Variants in FYB1 observed in about 807,000 individuals in gnomAD.
FYB1 encodes the protein FYN binding protein 1.
A neutral mutation model predicts 94.1 loss-of-function variants in FYB1; 41 were observed. The observed-to-expected ratio is 0.44, with a 90% CI of 0.34 to 0.57. The LOEUF is 0.57. Ranked by LOEUF, FYB1 falls within the 20% of genes least tolerant of loss-of-function variation. FYB1 has a pLI of 0.02. For synonymous variants in FYB1, 367 were observed against 353.2 expected (o/e 1.04, Z -0.44); for missense variants, 1,050 against 976.8 (o/e 1.07, Z -1.00).
intron 1 of FYB1, among the ~76,000 whole-genome samples, chr5:39,252,171 T>TA (rs891598254): frequency 1.3e-5 from 2 of 151,126 alleles, no homozygotes; most frequent in Admixed American, 6.6e-5. Flanking sequence ...AAATAAAAAA[T>TA]AAAAAAATAA....
intron 2 of FYB1, among the ~76,000 whole-genome samples, chr5:39,195,262 A>G (rs1747730310): frequency 6.6e-6 from 1 of 152,228 alleles, no homozygotes; most frequent in Non-Finnish European, 1.5e-5. Context: ...TAAAATGTGA[A>G]CATAGAATCC....
intron 16 of FYB1, chr5:39,110,604 T>A (rs1044385909): frequency 8.1e-5 from 37 of 454,298 alleles, no homozygotes; most frequent in Non-Finnish European, 1.3e-4. Flanking sequence ...CCAGTATGTC[T>A]CTTTTTTCTC....
At position 39,203,001 on chromosome 5, in the gene FYB1, G is replaced by A. The variant is rs965899879; in HGVS notation, c.-27-14C>T. On this transcript the variant is annotated splice_polypyrimidine_tract_variant and intron_variant, in intron 1 of 18. Coordinates refer to ENST00000512982, the MANE Select transcript of FYB1 (RefSeq NM_001465.6). ...TGCCTTTCCATCCTACAAACATAGGGAACAAAAAATAGCTGAGAGACAAAA... is the reference window on the plus strand; with the variant it reads ...TGCCTTTCCATCCTACAAACATAGGAAACAAAAAATAGCTGAGAGACAAAA... 3.1e-6 allele frequency: 5 copies of A among 1,606,210 alleles called. No individual in the cohort carries two copies. Among genetic ancestry groups the A allele is most frequent in the Admixed American group, 3.4e-5 (2 of 58,882 alleles).
intron 1 of FYB1, among the ~76,000 whole-genome samples, chr5:39,247,739 T>G (rs1751544625): frequency 6.6e-6 from 1 of 151,932 alleles, no homozygotes; most frequent in African/African-American, 2.4e-5. Context: ...CCAGGGTTAA[T>G]TTCAGCAAAT....
At chr5:39,211,711 A>T (rs746456530) in intron 1 of FYB1, among the ~76,000 whole-genome samples, 15 of 152,180 alleles carry the variant, frequency 9.9e-5, no homozygotes, top group Non-Finnish European at 1.8e-4. Flanking sequence ...TCTGGGAAAG[A>T]TACTGTTTGT....
upstream of FYB1, among the ~76,000 whole-genome samples, chr5:39,224,433 C>T (rs759678675): frequency 1.4e-4 from 22 of 152,164 alleles, no homozygotes; most frequent in Non-Finnish European, 1.8e-4. Context: ...CAGACAGCAG[C>T]AGATGAAGCT....
intron 14 of FYB1, among the ~76,000 whole-genome samples, chr5:39,119,927 G>A (rs1225005114): frequency 6.6e-6 from 1 of 152,078 alleles, no homozygotes; most frequent in Non-Finnish European, 1.5e-5. Flanking sequence ...TTGCATGTCA[G>A]CAGTTTCATA....
chr5:39,146,087 G>T (rs1742625898), intron 3 of FYB1, among the ~76,000 whole-genome samples: 1 of 151,474 alleles, frequency 6.6e-6, no homozygotes, highest in Non-Finnish European at 1.5e-5. Flanking sequence ...GCTAATTTTT[G>T]TATTTTTAAT....
chr5:39,269,376 G>A (rs780412897), intron 1 of FYB1, among the ~76,000 whole-genome samples: 7 of 151,832 alleles, frequency 4.6e-5, no homozygotes, highest in African/African-American at 1.7e-4. Context: ...TAGGAATCCC[G>A]GACCTAAAGA....
At chr5:39,217,869 G>C (rs1258801148) in intron 1 of FYB1, among the ~76,000 whole-genome samples, 3 of 152,182 alleles carry the variant, frequency 2.0e-5, no homozygotes, top group Non-Finnish European at 4.4e-5. Flanking sequence ...TCTTGTTAAC[G>C]TATTGTGTAA....
intron 2 of FYB1, among the ~76,000 whole-genome samples, chr5:39,199,455 G>T (rs1748124330): frequency 6.6e-6 from 1 of 152,090 alleles, no homozygotes; most frequent in African/African-American, 2.4e-5. Flanking sequence ...TGTTGCAAAA[G>T]AACGCTTTTG....
Position 39,134,167 on chromosome 5 carries a change from G to A in FYB1, c.1817+41C>T, listed in dbSNP as rs186833458. Reference sequence around the variant, plus strand: ...CTTAATATACAAAATTTCTGACAAGGAGACAGTTTGATCTGTTCTACAATA... The same window carrying A: ...CTTAATATACAAAATTTCTGACAAGAAGACAGTTTGATCTGTTCTACAATA... On this transcript the variant is annotated intron_variant, in intron 9 of 18. Coordinates refer to ENST00000512982, the MANE Select transcript of FYB1 (RefSeq NM_001465.6). 4.0e-4 allele frequency: 581 copies of A among 1,468,516 alleles called. 4 individuals are homozygous for A. Among genetic ancestry groups the A allele is most frequent in the Middle Eastern group, 3.8e-3 (21 of 5,524 alleles). 91.0% of individuals were successfully genotyped at this position (1,468,516 alleles called of 1,614,324 possible). A position where few individuals can be genotyped will look rare whatever the true frequency, so the allele number is the denominator to read the frequency against.
At chr5:39,138,767 TA>T in intron 5 of FYB1, 76 bp from the exon 6 acceptor site, 1 of 835,406 alleles carries the variant, frequency 1.2e-6, no homozygotes. Context: ...TGCTTAGACT[TA>T]AAATGAAGGC....
At chr5:39,163,372 A>G (rs763321264) in intron 2 of FYB1, among the ~76,000 whole-genome samples, 24 of 152,226 alleles carry the variant, frequency 1.6e-4, no homozygotes, top group Non-Finnish European at 3.1e-4. Context: ...TGAAACATCA[A>G]TGTTTACATA....
At chr5:39,249,678 G>A (rs2150607275) in intron 1 of FYB1, among the ~76,000 whole-genome samples, 1 of 152,270 alleles carries the variant, frequency 6.6e-6, no homozygotes, top group South Asian at 2.1e-4. Context: ...AAAATGATGT[G>A]TATGTGTTTG....
chr5:39,174,394 G>A (rs899596262), intron 2 of FYB1, among the ~76,000 whole-genome samples: 6 of 152,162 alleles, frequency 3.9e-5, no homozygotes, highest in African/African-American at 7.2e-5. Flanking sequence ...AGGACTGAAA[G>A]TCTTTGAATT....
At position 39,134,296 on chromosome 5, in the gene FYB1, T is replaced by G. The variant is rs1741460282; in HGVS notation, c.1729A>C (p.Lys577Gln). The stretch of plus-strand genomic sequence containing the variant: ...GAAGGGGCACCAAGAGAGTCTTTTT[T>G]CAGTTTCAAAGAATCATAGTCAATC... ...VEIDYDSLKL[K>Q]KDSLGAPSRP... The change falls in exon 9 of 19, where the codon AAA becomes CAA. Residue 577 changes from lysine to glutamine, a missense_variant. By Grantham distance (53) the Lys-to-Gln change is moderately conservative. Transcript: ENST00000512982. 6.2e-7 allele frequency: 1 copy of G among 1,611,612 alleles called. No individual in the cohort carries two copies. The highest frequency in any genetic ancestry group is 1.7e-5 in the Admixed American group (1 of 59,976).
At chr5:39,249,375 G>C (rs1280863593) in intron 1 of FYB1, among the ~76,000 whole-genome samples, 2 of 152,178 alleles carry the variant, frequency 1.3e-5, no homozygotes, top group Admixed American at 1.3e-4. Flanking sequence ...TGTAGTATGA[G>C]GGCAGCCATA....
chr5:39,244,079 A>G (rs919267970), intron 1 of FYB1, among the ~76,000 whole-genome samples: 33 of 152,262 alleles, frequency 2.2e-4, no homozygotes, highest in African/African-American at 7.0e-4. Flanking sequence ...CAATCATGTC[A>G]TCTGCAAACA....
Sources: gnomAD v4.1 joint callset for allele counts (sites outside exome capture counted in the v4.1 genomes callset) on GRCh38, gnomAD v4.1.1 for gene constraint, MANE v1.5 for transcripts, NCBI Gene and HGNC (gene_info 2026-07-23, HGNC 2026-07-21) for gene names.